CAMTA1: variants seen among roughly 807,000 people sequenced by gnomAD.
CAMTA1 encodes the protein calmodulin-binding transcription activator 1.
Under a neutral mutation model 170.9 loss-of-function variants are expected in CAMTA1, and 27 were observed. That is an observed-to-expected ratio of 0.16 (90% CI 0.12 to 0.22). The LOEUF (loss-of-function observed/expected upper bound fraction) is 0.22. Among genes scored for constraint, CAMTA1 ranks in the 10% least tolerant of loss-of-function variants. The pLI is 1.00. For missense variants in CAMTA1, 1,619 were observed against 2,217.2 expected (o/e 0.73, Z 5.42); for synonymous variants, 833 against 891.5 (o/e 0.93, Z 1.17).
At chr1:7,675,997 GCCATCCCCC>G (rs1021687497) in intron 10 of CAMTA1, among the ~76,000 whole-genome samples, 2 of 152,220 alleles carry the variant, frequency 1.3e-5, no homozygotes, top group African/African-American at 4.8e-5. Context: ...AGTTGAAGAG[GCCATCCCCC>G]CCGACCCCAA....
chr1:7,231,401 T>C (rs954717221), intron 4 of CAMTA1, among the ~76,000 whole-genome samples: 1 of 151,974 alleles, frequency 6.6e-6, no homozygotes, highest in African/African-American at 2.4e-5. Flanking sequence ...AGAGTCTCGC[T>C]CTGTCGCCCA....
intron 11 of CAMTA1, chr1:7,693,528 A>T (rs1037596529): frequency 6.6e-6 from 1 of 152,256 alleles, no homozygotes; most frequent in South Asian, 2.1e-4. Context: ...CTCAGGTTTG[A>T]TCATTCACTG....
intron 3 of CAMTA1, among the ~76,000 whole-genome samples, chr1:6,831,476 C>A (rs1207101730): frequency 3.9e-5 from 6 of 152,196 alleles, no homozygotes; most frequent in Non-Finnish European, 7.3e-5. Flanking sequence ...GTTGTCCAGA[C>A]TGAAAATTGT....
intron 6 of CAMTA1, among the ~76,000 whole-genome samples, chr1:7,589,345 A>C (rs141711745): frequency 9.4e-4 from 143 of 152,272 alleles, no homozygotes; most frequent in African/African-American, 3.2e-3. Context: ...GGTTCCCCAC[A>C]TGTCCCCTGC....
In CAMTA1 at chr1:7,067,347, G is replaced by A. The variant is rs542456795; in HGVS notation, c.235-23957G>A. ...TAGGACTCCTTTAACTCCTTAGGAAGTTCCCTGTCTTTAAGCATTGTCTTT... is the reference window on the plus strand; with the variant it reads ...TAGGACTCCTTTAACTCCTTAGGAAATTCCCTGTCTTTAAGCATTGTCTTT... On this transcript the variant is annotated intron_variant, in intron 3 of 22. Transcript: ENST00000303635. This position sits in a 1 kb window ranked among gnomAD's most constrained non-coding sequence, Gnocchi z 4.3. 6.6e-6 allele frequency among the ~76,000 whole-genome samples: 1 copy of A among 152,332 alleles called. No individual in the cohort carries two copies. The highest frequency in any genetic ancestry group is 2.1e-4 in the South Asian group (1 of 4,832).
intron 3 of CAMTA1, among the ~76,000 whole-genome samples, chr1:7,020,547 C>T (rs780230516): frequency 1.3e-4 from 20 of 152,332 alleles, no homozygotes; most frequent in East Asian, 1.9e-4. Context: ...CATTATGGGA[C>T]GCAGGACTGT....
At chr1:7,001,927 C>T (rs1698274368) in intron 3 of CAMTA1, among the ~76,000 whole-genome samples, 1 of 138,960 alleles carries the variant, frequency 7.2e-6, no homozygotes. Context: ...GACGGATTCT[C>T]CCTCTGTCGC....
At chr1:7,367,261 G>A (rs2086045266) in intron 5 of CAMTA1, among the ~76,000 whole-genome samples, 1 of 152,168 alleles carries the variant, frequency 6.6e-6, no homozygotes, top group African/African-American at 2.4e-5. Context: ...AGAGCGAAAG[G>A]TCCAATTTGC....
chr1:6,987,831 T>C (rs1279669990), intron 3 of CAMTA1, among the ~76,000 whole-genome samples: 16 of 152,034 alleles, frequency 1.1e-4, no homozygotes, highest in Admixed American at 9.8e-4. Context: ...CACTCCTTCC[T>C]TCCCCCTCCA....
intron 3 of CAMTA1, among the ~76,000 whole-genome samples, chr1:7,000,068 A>G (rs1247059022): frequency 1.3e-5 from 2 of 152,154 alleles, no homozygotes; most frequent in Non-Finnish European, 2.9e-5. Flanking sequence ...GGGCCCTGGT[A>G]CCAGCTGGTG....
chr1:7,382,945 T>G (rs2087510641), intron 5 of CAMTA1, among the ~76,000 whole-genome samples: 1 of 152,224 alleles, frequency 6.6e-6, no homozygotes, highest in Non-Finnish European at 1.5e-5. Flanking sequence ...TGAGTTCATT[T>G]ATTTATACAA....
intron 4 of CAMTA1, among the ~76,000 whole-genome samples, chr1:7,160,079 A>G (rs1647118113): frequency 1.3e-5 from 2 of 151,984 alleles, no homozygotes; most frequent in South Asian, 2.1e-4. Context: ...GCAAAACCCC[A>G]TCTCTACTAA....
intron 5 of CAMTA1, chr1:7,370,248 A>G (rs1485905149): frequency 1.3e-5 from 2 of 152,290 alleles, no homozygotes; most frequent in Non-Finnish European, 2.9e-5. Context: ...AAAACTCAGA[A>G]GTCAATTGAC....
chr1:7,753,071 G>A (rs2096908805), intron 21 of CAMTA1, among the ~76,000 whole-genome samples: 1 of 152,172 alleles, frequency 6.6e-6, no homozygotes, highest in African/African-American at 2.4e-5. Flanking sequence ...CCGTGATGAG[G>A]AACAGGAGAG....
At chr1:7,110,989 C>T (rs187882695) in intron 4 of CAMTA1, among the ~76,000 whole-genome samples, 1 of 152,220 alleles carries the variant, frequency 6.6e-6, no homozygotes, top group African/African-American at 2.4e-5. Flanking sequence ...AGAAGGGCTG[C>T]GCTCCTTCTG....
At chr1:7,034,198 C>T (rs911753070) in intron 3 of CAMTA1, among the ~76,000 whole-genome samples, 3 of 152,110 alleles carry the variant, frequency 2.0e-5, no homozygotes, top group South Asian at 4.2e-4. Context: ...CGCTCTGTTG[C>T]CCAGGCTGGA....
chr1:7,146,301 A>T lies in CAMTA1; in HGVS notation c.302+54930A>T, dbSNP rs924592346. The stretch of plus-strand genomic sequence containing the variant: ...TCTCCCTCTTGGCTTATGTAGATCA[A>T]CCAGAGCCTTGGGATATGAGAAGTT... On this transcript the variant is annotated intron_variant, in intron 4 of 22. Transcript: ENST00000303635. This position sits in a 1 kb window ranked among gnomAD's most constrained non-coding sequence, Gnocchi z 4.3. Among the ~76,000 whole-genome samples, 4 of 152,178 alleles carry T rather than the reference A, an allele frequency of 2.6e-5. No homozygotes were observed. Among genetic ancestry groups the T allele is most frequent in the African/African-American group, 4.8e-5 (2 of 41,442 alleles).
chr1:7,007,398 G>A lies in CAMTA1; in HGVS notation c.235-83906G>A, dbSNP rs966935990. On this transcript the variant is annotated intron_variant, in intron 3 of 22. Transcript: ENST00000303635. The surrounding 1 kb of genome is among the most constrained non-coding windows in gnomAD (Gnocchi z 4.5). ...TACGCCAGAGCCTGTGGGCCACCCC[G>A]AGGAAGTGACCCCTATGAGCCAGCC... Among the ~76,000 whole-genome samples, 2 of 152,152 alleles carry A rather than the reference G, an allele frequency of 1.3e-5. No individual in the cohort carries two copies. The highest frequency in any genetic ancestry group is 4.8e-5 in the African/African-American group (2 of 41,448).
At chr1:7,284,477 C>T (rs1376822212) in intron 5 of CAMTA1, among the ~76,000 whole-genome samples, 1 of 152,166 alleles carries the variant, frequency 6.6e-6, no homozygotes, top group Non-Finnish European at 1.5e-5. Context: ...GCTGGGATTA[C>T]AGGCGTGAGC....
Sources: gnomAD v4.1 joint callset for allele counts (sites outside exome capture counted in the v4.1 genomes callset) on GRCh38, gnomAD v4.1.1 for gene constraint, Gnocchi (gnomAD v3.1) non-coding constraint, MANE v1.5 for transcripts, NCBI Gene and HGNC (gene_info 2026-07-23, HGNC 2026-07-21) for gene names.